Variants in ITGA6 observed in about 807,000 individuals in gnomAD.
ITGA6 encodes the protein integrin subunit alpha 6.
A neutral mutation model predicts 133.6 loss-of-function variants in ITGA6; 63 were observed. The observed-to-expected ratio is 0.47, with a 90% CI of 0.38 to 0.58. The LOEUF is 0.58. Ranked by LOEUF, ITGA6 falls within the 20% of genes least tolerant of loss-of-function variation. The pLI is 0.00. For missense variants in ITGA6, 1,068 were observed against 1,309.4 expected, an observed-to-expected ratio of 0.82 and a Z score of 2.85; for synonymous variants, 434 against 482.0, an observed-to-expected ratio of 0.90 and a Z score of 1.30.
chr2:172,441,558 TTAAAAAAAAAAAAAA>T (rs1389033657), intron 1 of ITGA6, among the ~76,000 whole-genome samples: 2 of 64,858 alleles, frequency 3.1e-5, no homozygotes, highest in African/African-American at 6.2e-5. Context: ...CGCTGTCTCT[TTAAAAAAAAAAAAAA>T]AAAAAAAAAA....
At chr2:172,479,028 A>G (rs1185577944) in intron 9 of ITGA6, among the ~76,000 whole-genome samples, 1 of 152,230 alleles carries the variant, frequency 6.6e-6, no homozygotes. Context: ...GCTGCTGGGA[A>G]TTTATCCCAC....
chr2:172,427,759 G>C lies in ITGA6; in HGVS notation c.-30G>C. 1.3e-6 allele frequency: 2 copies of C among 1,551,094 alleles called. No homozygotes were observed. The highest frequency in any genetic ancestry group is 1.7e-6 in the Non-Finnish European group (2 of 1,149,868). ...CCGGAGCGCAGGGCGGCCGCTGCAG[G>C]TCCCCGCTCCCCTCCCCGTGCGTCC... On this transcript the variant is annotated 5_prime_UTR_variant, in exon 1 of 26. Coordinates refer to ENST00000684293, the MANE Select transcript of ITGA6 (RefSeq NM_000210.4).
Position 172,484,909 on chromosome 2 carries a change from G to A in ITGA6, c.1677G>A (p.Gln559=). 1 of 1,614,204 alleles carries A rather than the reference G, an allele frequency of 6.2e-7. No homozygotes were observed. Among genetic ancestry groups the A allele is most frequent in the South Asian group, 1.1e-5 (1 of 91,088 alleles). The part of the protein sequence containing the change: ...TQELTLKRQK[Q]KVCMEETLWL... ...AACTAACTCTGAAGAGGCAGAAACA[G>A]AAAGTGTGCATGGAGGAAACCCTGT... Residue 559 remains glutamine, a synonymous_variant, in exon 12 of 26, where the codon CAG becomes CAA. Coordinates refer to ENST00000684293, the MANE Select transcript of ITGA6 (RefSeq NM_000210.4).
At position 172,505,064 on chromosome 2, in the gene ITGA6, A is replaced by G; in HGVS notation, c.*996A>G. The stretch of plus-strand genomic sequence containing the variant: ...AAAAGAAAATCTTTATAAATGTACC[A>G]GAGAGAGTTGTTTTAATAACTTATC... On this transcript the variant is annotated 3_prime_UTR_variant, in exon 26 of 26. Coordinates refer to ENST00000684293, the MANE Select transcript of ITGA6 (RefSeq NM_000210.4). 6.5e-6 allele frequency: 1 copy of G among 152,768 alleles called. No homozygotes were observed. The highest frequency in any genetic ancestry group is 1.5e-5 in the Non-Finnish European group (1 of 68,028). The allele number at this position is 152,768 out of a possible 1,614,324, so 9.5% of individuals were successfully genotyped here. A position where few individuals can be genotyped will look rare whatever the true frequency, so the allele number is the denominator to read the frequency against.
rs188577991 is a variant in ITGA6, at chr2:172,435,555, C to T, written c.182+7585C>T. ...GTTTTCCAATCAAAGGTGCTGAGAACCTGTTGATTGGACCTAAGGAATCCA... is the reference window on the plus strand; with the variant it reads ...GTTTTCCAATCAAAGGTGCTGAGAATCTGTTGATTGGACCTAAGGAATCCA... On this transcript the variant is annotated intron_variant, in intron 1 of 25. Coordinates refer to ENST00000684293, the MANE Select transcript of ITGA6 (RefSeq NM_000210.4). Among the ~76,000 whole-genome samples, 196 of 151,368 alleles carry T rather than the reference C, an allele frequency of 1.3e-3. 1 individual carries two copies. Among genetic ancestry groups the T allele is most frequent in the African/African-American group, 4.4e-3 (182 of 41,124 alleles).
chr2:172,444,586 C>T (rs920445851), intron 1 of ITGA6, among the ~76,000 whole-genome samples: 6 of 112,662 alleles, frequency 5.3e-5, no homozygotes, highest in Non-Finnish European at 7.1e-5. Flanking sequence ...TCCAAAATCC[C>T]CGCCCCCCGC....
intron 7 of ITGA6, among the ~76,000 whole-genome samples, chr2:172,475,336 T>A (rs1686124125): frequency 6.6e-6 from 1 of 152,054 alleles, no homozygotes; most frequent in Non-Finnish European, 1.5e-5. Context: ...ATGCCTGTAA[T>A]ACCAGCTACT....
At chr2:172,488,083 C>T (rs1686769324) in intron 18 of ITGA6, 43 bp from the exon 19 acceptor site, 3 of 1,608,996 alleles carry the variant, frequency 1.9e-6, no homozygotes, top group Non-Finnish European at 2.6e-6. Context: ...TTGAAAGAAC[C>T]ATTTACAATC....
At chr2:172,436,715 C>T (rs745974842) in intron 1 of ITGA6, among the ~76,000 whole-genome samples, 1 of 152,142 alleles carries the variant, frequency 6.6e-6, no homozygotes, top group Non-Finnish European at 1.5e-5. Flanking sequence ...TGGGGTTTTC[C>T]TATAGAAATT....
At chr2:172,502,011 A>T in intron 25 of ITGA6, 110 bp downstream of exon 25, 1 of 945,718 alleles carries the variant, frequency 1.1e-6, no homozygotes, top group South Asian at 1.5e-5. Context: ...GATGTTTCCA[A>T]ATGTCCACAC....
intron 3 of ITGA6, among the ~76,000 whole-genome samples, 169 bp downstream of exon 3, chr2:172,467,729 G>A (rs1685742249): frequency 6.6e-6 from 1 of 152,234 alleles, no homozygotes; most frequent in Non-Finnish European, 1.5e-5. Flanking sequence ...GCTCATGCCT[G>A]TAATCTCAAT....
Position 172,504,120 on chromosome 2 carries a change from T to C in ITGA6, c.*52T>C, listed in dbSNP as rs1687461504. 6.3e-7 allele frequency: 1 copy of C among 1,599,758 alleles called. No individual in the cohort carries two copies. The highest frequency in any genetic ancestry group is 8.5e-7 in the Non-Finnish European group (1 of 1,172,792). On this transcript the variant is annotated 3_prime_UTR_variant, in exon 26 of 26. Transcript: ENST00000684293. ...GATTCTTTAAACGCTCTAGGTACGA[T>C]GACAGTGTTCCCCGATACCATGCTG... is the stretch of plus-strand genomic sequence containing the variant.
chr2:172,449,838 T>C (rs1420631015), intron 1 of ITGA6, among the ~76,000 whole-genome samples: 4 of 150,526 alleles, frequency 2.7e-5, no homozygotes, highest in African/African-American at 4.9e-5. Flanking sequence ...GGAGAATTGC[T>C]TGAACCCGGG....
At chr2:172,498,299 T>C (rs1468811495) in intron 24 of ITGA6, among the ~76,000 whole-genome samples, 199 bp downstream of exon 24, 1 of 152,256 alleles carries the variant, frequency 6.6e-6, no homozygotes, top group African/African-American at 2.4e-5. Context: ...ATTTAAAGTA[T>C]ATTATTTGTA....
intron 1 of ITGA6, among the ~76,000 whole-genome samples, chr2:172,441,364 C>G (rs1391648021): frequency 1.3e-5 from 2 of 151,882 alleles, no homozygotes; most frequent in East Asian, 1.9e-4. Context: ...TTTAACAGAG[C>G]CTGACACTTG....
chr2:172,476,740 C>G (rs1254501500), intron 9 of ITGA6, among the ~76,000 whole-genome samples: 1 of 152,038 alleles, frequency 6.6e-6, no homozygotes, highest in Non-Finnish European at 1.5e-5. Flanking sequence ...ATTTTTACTT[C>G]ATATATTTTT....
chr2:172,456,055 G>GCAGGC (rs1685194433), intron 1 of ITGA6, among the ~76,000 whole-genome samples: 2 of 152,340 alleles, frequency 1.3e-5, no homozygotes, highest in South Asian at 4.1e-4. Flanking sequence ...AGCAGTCGAG[G>GCAGGC]CAGGCCACCA....
chr2:172,498,238 A>AT, intron 24 of ITGA6, 138 bp downstream of exon 24: 11 of 831,790 alleles, frequency 1.3e-5, no homozygotes, highest in Admixed American at 2.2e-5. Flanking sequence ...GACATAGCAA[A>AT]TTTGAGGAAA....
chr2:172,490,937 T>C lies in ITGA6; in HGVS notation c.2680-87T>C. The C allele has an allele frequency of 3.8e-6, 3 of 789,268 alleles. No homozygotes were observed. In the South Asian group the frequency reaches 4.2e-5, roughly 11 times the overall value. The allele number at this position is 789,268 out of a possible 1,614,324, so 48.9% of individuals were successfully genotyped here. A position where few individuals can be genotyped will look rare whatever the true frequency, so the allele number is the denominator to read the frequency against. On this transcript the variant is annotated intron_variant, in intron 20 of 25. Coordinates refer to ENST00000684293, the MANE Select transcript of ITGA6 (RefSeq NM_000210.4). Reference sequence around the variant, plus strand: ...ATTGTTGATTATGTGAATCTGGCACTGTTTGGGAGGATATGCTCAAGAGGC... The same window carrying C: ...ATTGTTGATTATGTGAATCTGGCACCGTTTGGGAGGATATGCTCAAGAGGC...
Sources: gnomAD v4.1 joint callset for allele counts (sites outside exome capture counted in the v4.1 genomes callset) on GRCh38, gnomAD v4.1.1 for gene constraint, MANE v1.5 for transcripts, NCBI Gene and HGNC (gene_info 2026-07-23, HGNC 2026-07-21) for gene names.